The following PCDH9 variants were observed in gnomAD, a reference collection of about 807,000 sequenced individuals.
The protein encoded by PCDH9 is protocadherin 9, also known as protocadherin-9.
In PCDH9, 24 loss-of-function variants were observed where a neutral mutation model predicts 70.6. That is an observed-to-expected ratio of 0.34 (90% CI 0.25 to 0.48). The LOEUF (loss-of-function observed/expected upper bound fraction) is 0.48, where lower values mean the gene tolerates loss of function less well. Ranked by LOEUF, PCDH9 falls within the 20% of genes least tolerant of loss-of-function variation. The pLI, the probability that PCDH9 is intolerant of heterozygous loss-of-function variation, is 0.99. For missense variants in PCDH9, 1,281 were observed against 1,503.6 expected, an observed-to-expected ratio of 0.85 and a Z score of 2.45; for synonymous variants, 562 against 558.5, an observed-to-expected ratio of 1.01 and a Z score of -0.09.
intron 2 of PCDH9, among the ~76,000 whole-genome samples, chr13:66,992,222 T>G (rs1488466146): frequency 6.6e-6 from 1 of 152,186 alleles, no homozygotes; most frequent in African/African-American, 2.4e-5. Context: ...TTCGATCATC[T>G]CTACTGATAA....
chr13:66,778,453 G>A (rs1008572163), intron 3 of PCDH9, among the ~76,000 whole-genome samples: 4 of 151,990 alleles, frequency 2.6e-5, no homozygotes, highest in East Asian at 1.9e-4. Flanking sequence ...AATTATTTGC[G>A]TCTCATTCCT....
At chr13:66,484,432 G>C (rs967601611) in intron 4 of PCDH9, among the ~76,000 whole-genome samples, 1 of 152,124 alleles carries the variant, frequency 6.6e-6, no homozygotes, top group African/African-American at 2.4e-5. Flanking sequence ...ATCACACACC[G>C]TGCGAGGGCG....
At chr13:66,909,619 A>C (rs994458975) in intron 2 of PCDH9, among the ~76,000 whole-genome samples, 1 of 152,038 alleles carries the variant, frequency 6.6e-6, no homozygotes, top group Admixed American at 6.6e-5. Context: ...AATACAAAAA[A>C]TTAGCCGGGC....
intron 2 of PCDH9, among the ~76,000 whole-genome samples, chr13:67,187,877 C>T (rs570830153): frequency 2.0e-5 from 3 of 151,920 alleles, no homozygotes; most frequent in South Asian, 2.1e-4. Flanking sequence ...AGATATCCAT[C>T]CCCTCTAGCA....
chr13:66,969,366 C>T lies in PCDH9; in HGVS notation c.3037-65761G>A, dbSNP rs187873786. On this transcript the variant is annotated intron_variant, in intron 2 of 4. Coordinates refer to ENST00000377865, the MANE Select transcript of PCDH9 (RefSeq NM_203487.3). ...CTTTCCATTTCAATGTCTTATTGCC[C>T]ATTGTTATATTCAGCAGCTTATTGC... Among the ~76,000 whole-genome samples the T allele has an allele frequency of 7.8e-4, 119 of 151,918 alleles. 1 individual carries two copies. Among genetic ancestry groups the T allele is most frequent in the Non-Finnish European group, 1.3e-3 (86 of 67,914 alleles).
chr13:66,977,862 G>A (rs557389278), intron 2 of PCDH9, among the ~76,000 whole-genome samples: 12 of 152,096 alleles, frequency 7.9e-5, no homozygotes, highest in Non-Finnish European at 1.5e-4. Context: ...ACCAGATTTC[G>A]CATAGAAAAT....
intron 2 of PCDH9, among the ~76,000 whole-genome samples, chr13:66,949,485 C>T (rs2083142768): frequency 6.6e-6 from 1 of 151,976 alleles, no homozygotes; most frequent in African/African-American, 2.4e-5. Flanking sequence ...ACAGCAAAGC[C>T]AAGGTCTTAC....
At chr13:66,599,850 C>T (rs2077145285) in intron 4 of PCDH9, among the ~76,000 whole-genome samples, 1 of 151,826 alleles carries the variant, frequency 6.6e-6, no homozygotes. Flanking sequence ...TTAAGAACTT[C>T]AAAGTTTTCT....
chr13:66,509,157 T>G (rs1378718494), intron 4 of PCDH9, among the ~76,000 whole-genome samples: 4 of 152,180 alleles, frequency 2.6e-5, no homozygotes, highest in African/African-American at 9.7e-5. Flanking sequence ...GTAAACAGAT[T>G]TTTGTCCTGA....
At chr13:67,023,126 G>C (rs1361865864) in intron 2 of PCDH9, among the ~76,000 whole-genome samples, 1 of 151,876 alleles carries the variant, frequency 6.6e-6, no homozygotes, top group African/African-American at 2.4e-5. Flanking sequence ...TTTCAGCAAG[G>C]GGTTTAGGAA....
chr13:66,694,945 C>T (rs1216875415), intron 3 of PCDH9, among the ~76,000 whole-genome samples: 10 of 151,316 alleles, frequency 6.6e-5, no homozygotes, highest in Admixed American at 6.6e-4. Context: ...GCTCTGTCGC[C>T]CAGGCTGTAG....
At chr13:67,162,020 T>C (rs1202338011) in intron 2 of PCDH9, among the ~76,000 whole-genome samples, 1 of 152,190 alleles carries the variant, frequency 6.6e-6, no homozygotes, top group African/African-American at 2.4e-5. Context: ...TTTGTTCAAG[T>C]CCGCCTTCCT....
intron 3 of PCDH9, among the ~76,000 whole-genome samples, chr13:66,759,743 T>A (rs1372708665): frequency 1.6e-5 from 1 of 63,298 alleles, no homozygotes; most frequent in Non-Finnish European, 3.4e-5. Flanking sequence ...ACTTGAGTCC[T>A]TCCACTTCAT....
At chr13:66,475,254 T>G (rs1195227192) in intron 4 of PCDH9, among the ~76,000 whole-genome samples, 2 of 152,072 alleles carry the variant, frequency 1.3e-5, no homozygotes, top group Non-Finnish European at 2.9e-5. Context: ...AGACCATATG[T>G]ATAAAGCACA....
intron 4 of PCDH9, among the ~76,000 whole-genome samples, chr13:66,348,603 T>C (rs1956247162): frequency 6.6e-6 from 1 of 151,802 alleles, no homozygotes; most frequent in African/African-American, 2.4e-5. Context: ...TTGGTCAGGC[T>C]GGTCTCAAAA....
At chr13:66,360,370 T>C (rs1246302869) in intron 4 of PCDH9, among the ~76,000 whole-genome samples, 2 of 151,802 alleles carry the variant, frequency 1.3e-5, no homozygotes, top group East Asian at 1.9e-4. Flanking sequence ...AGAGCAAAAA[T>C]GGGGGAAGTG....
intron 4 of PCDH9, among the ~76,000 whole-genome samples, chr13:66,317,672 TAC>T (rs929041560): frequency 2.6e-5 from 4 of 152,086 alleles, no homozygotes; most frequent in Non-Finnish European, 4.4e-5. Context: ...TCTGATGAAA[TAC>T]AGACAACAGT....
At chr13:67,228,947 C>T (rs2089948765) in intron 1 of PCDH9, among the ~76,000 whole-genome samples, 1 of 152,218 alleles carries the variant, frequency 6.6e-6, no homozygotes. Flanking sequence ...GTGAAAAACA[C>T]TAAGTATTTA....
At chr13:67,109,501 T>C (rs2086613701) in intron 2 of PCDH9, among the ~76,000 whole-genome samples, 1 of 152,188 alleles carries the variant, frequency 6.6e-6, no homozygotes, top group South Asian at 2.1e-4. Context: ...TCTTCCCTAT[T>C]CATAAGCACA....
Sources: allele counts gnomAD v4.1 joint callset (sites outside exome capture counted in the v4.1 genomes callset), GRCh38; gene constraint gnomAD v4.1.1; transcripts MANE v1.5; gene names NCBI Gene and HGNC (gene_info 2026-07-23, HGNC 2026-07-21).